The following PLPPR1 variants were observed in gnomAD, a reference collection of about 807,000 sequenced individuals.
PLPPR1 encodes the protein phospholipid phosphatase related 1, also known as phospholipid phosphatase-related protein type 1.
In PLPPR1, 10 loss-of-function variants were observed where a neutral mutation model predicts 33.1. The observed-to-expected ratio is 0.30, with a 90% CI of 0.19 to 0.51. The LOEUF is 0.51. Ranked by LOEUF, PLPPR1 falls within the 20% of genes least tolerant of loss-of-function variation. The pLI, the probability that PLPPR1 is intolerant of heterozygous loss-of-function variation, is 0.97. For synonymous variants in PLPPR1, 151 were observed against 151.0 expected, an observed-to-expected ratio of 1.00 and a Z score of 0.00; for missense variants, 304 against 408.1, an observed-to-expected ratio of 0.74 and a Z score of 2.20.
chr9:101,288,219 T>G (rs2118918730), intron 4 of PLPPR1, among the ~76,000 whole-genome samples: 1 of 152,240 alleles, frequency 6.6e-6, no homozygotes, highest in East Asian at 1.9e-4. Flanking sequence ...TTGTCTGTTG[T>G]GGTATCCAAA....
intron 4 of PLPPR1, among the ~76,000 whole-genome samples, chr9:101,297,875 G>C (rs142212100): frequency 3.3e-5 from 5 of 152,148 alleles, no homozygotes; most frequent in African/African-American, 1.2e-4. Context: ...ATGTTCTCAA[G>C]AGAGTTAAAC....
chr9:101,174,557 AC>A, intron 1 of PLPPR1, among the ~76,000 whole-genome samples: 1 of 152,246 alleles, frequency 6.6e-6, no homozygotes, highest in East Asian at 1.9e-4. Context: ...TGTGGCTCTG[AC>A]TTTGCACAGC....
At chr9:101,185,678 AATATT>A (rs1826191639) in intron 2 of PLPPR1, 121 bp downstream of exon 2, 10 of 612,634 alleles carry the variant, frequency 1.6e-5, no homozygotes, top group Non-Finnish European at 2.5e-5. Flanking sequence ...TGATAGCACA[AATATT>A]GGTAAAGATT....
At chr9:101,274,670 C>T (rs1240439102) in intron 3 of PLPPR1, among the ~76,000 whole-genome samples, 1 of 152,194 alleles carries the variant, frequency 6.6e-6, no homozygotes, top group African/African-American at 2.4e-5. Context: ...CTGTCCTATC[C>T]TGGTGAGGTA....
At chr9:101,308,024 T>C (rs557625981) in intron 4 of PLPPR1, among the ~76,000 whole-genome samples, 1 of 152,286 alleles carries the variant, frequency 6.6e-6, no homozygotes, top group South Asian at 2.1e-4. Flanking sequence ...CCTCTGGAAT[T>C]TACCAGAGAA....
intron 1 of PLPPR1, among the ~76,000 whole-genome samples, chr9:101,079,628 G>A (rs144525265): frequency 0.032 from 4,858 of 151,102 alleles, 138 homozygotes; most frequent in East Asian, 0.081. Context: ...CGCCCAGGCT[G>A]GAGTGCAGTG....
At chr9:101,158,143 G>T (rs183608794) in intron 1 of PLPPR1, among the ~76,000 whole-genome samples, 1 of 152,254 alleles carries the variant, frequency 6.6e-6, no homozygotes, top group Non-Finnish European at 1.5e-5. Context: ...GCACTTAAAA[G>T]TTTGTTGTTA....
intron 2 of PLPPR1, among the ~76,000 whole-genome samples, chr9:101,207,748 G>A (rs1203024851): frequency 1.3e-5 from 2 of 152,124 alleles, no homozygotes; most frequent in Admixed American, 1.3e-4. Flanking sequence ...AAGAATTAGA[G>A]GAAGAAGAAT....
At chr9:101,047,220 T>C (rs1830163749) in intron 1 of PLPPR1, among the ~76,000 whole-genome samples, 1 of 152,214 alleles carries the variant, frequency 6.6e-6, no homozygotes, top group Non-Finnish European at 1.5e-5. Context: ...ATACATTTAG[T>C]CCTTTTAACC....
intron 2 of PLPPR1, among the ~76,000 whole-genome samples, chr9:101,188,526 C>A (rs1826243110): frequency 2.0e-5 from 3 of 151,852 alleles, no homozygotes; most frequent in Non-Finnish European, 4.4e-5. Flanking sequence ...GTTAAGAACT[C>A]CCCTGTAACG....
At chr9:101,236,809 G>A (rs532114253) in intron 2 of PLPPR1, among the ~76,000 whole-genome samples, 3 of 151,542 alleles carry the variant, frequency 2.0e-5, no homozygotes, top group Non-Finnish European at 4.4e-5. Context: ...ACCCTCAAAA[G>A]CAAATGTAAC....
intron 4 of PLPPR1, among the ~76,000 whole-genome samples, chr9:101,308,489 A>G (rs1004030215): frequency 1.3e-5 from 2 of 152,214 alleles, no homozygotes; most frequent in Non-Finnish European, 2.9e-5. Flanking sequence ...TCTGAAGGGG[A>G]TACATTTGTG....
chr9:101,054,299 G>T (rs1830256278), intron 1 of PLPPR1, among the ~76,000 whole-genome samples: 1 of 152,136 alleles, frequency 6.6e-6, no homozygotes, highest in Non-Finnish European at 1.5e-5. Context: ...ATTTCCTCAT[G>T]AAACTTAATA....
At chr9:101,279,396 C>T (rs866776529) in intron 3 of PLPPR1, among the ~76,000 whole-genome samples, 2 of 152,228 alleles carry the variant, frequency 1.3e-5, no homozygotes, top group South Asian at 2.1e-4. Context: ...GATTTCAACA[C>T]CCCACTTTCA....
At chr9:101,273,059 C>A (rs1220369310) in intron 3 of PLPPR1, among the ~76,000 whole-genome samples, 1 of 152,056 alleles carries the variant, frequency 6.6e-6, no homozygotes, top group East Asian at 1.9e-4. Context: ...TTTTGAAACA[C>A]CTTAAGTAAT....
intron 2 of PLPPR1, among the ~76,000 whole-genome samples, chr9:101,238,170 T>C (rs1827359521): frequency 7.3e-6 from 1 of 137,234 alleles, no homozygotes; most frequent in African/African-American, 2.7e-5. Context: ...CACATATATA[T>C]ACCCTATATA....
chr9:101,062,149 G>GGTGT (rs56998660), intron 1 of PLPPR1, among the ~76,000 whole-genome samples: 3,484 of 148,464 alleles, frequency 0.023, 102 homozygotes, highest in South Asian at 0.12. Context: ...GACAAAATGT[G>GGTGT]GTGTGTGTGT....
At chr9:101,230,909 C>G (rs1827170370) in intron 2 of PLPPR1, among the ~76,000 whole-genome samples, 1 of 146,988 alleles carries the variant, frequency 6.8e-6, no homozygotes, top group Non-Finnish European at 1.5e-5. Context: ...CCAGTGAATT[C>G]TGCTGTACTC....
chr9:101,055,839 C>T (rs1478923961), intron 1 of PLPPR1, among the ~76,000 whole-genome samples: 1 of 152,190 alleles, frequency 6.6e-6, no homozygotes, highest in East Asian at 1.9e-4. Flanking sequence ...TGAGGATTCT[C>T]TTGCTAGTAG....
Sources: gnomAD v4.1 joint callset for allele counts (sites outside exome capture counted in the v4.1 genomes callset) on GRCh38, gnomAD v4.1.1 for gene constraint, MANE v1.5 for transcripts, NCBI Gene and HGNC (gene_info 2026-07-23, HGNC 2026-07-21) for gene names.